Variants in DPP6 observed in about 807,000 individuals in gnomAD.
The protein encoded by DPP6 is A-type potassium channel modulatory protein DPP6.
Under a neutral mutation model 122.6 loss-of-function variants are expected in DPP6, and 69 were observed. The ratio of observed to expected loss-of-function variants is 0.56; its 90% CI spans 0.46 to 0.69. The LOEUF is 0.69. Ranked by LOEUF, DPP6 falls within the 30% of genes least tolerant of loss-of-function variation. DPP6 has a pLI of 0.00. For synonymous variants in DPP6, 418 were observed against 433.1 expected (o/e 0.97, Z 0.43); for missense variants, 928 against 1,116.9 (o/e 0.83, Z 2.41).
Position 154,875,108 on chromosome 7 carries a change from G to GA in DPP6, c.1884-789dup, listed in dbSNP as rs75749242. 2.0e-4 allele frequency among the ~76,000 whole-genome samples: 22 copies of GA among 111,778 alleles called. No homozygotes were observed. The highest frequency in any genetic ancestry group is 1.1e-3 in the Admixed American group (11 of 9,930). 73.3% of individuals were successfully genotyped at this position (111,778 alleles called of 152,430 possible). A position where few individuals can be genotyped will look rare whatever the true frequency, so the allele number is the denominator to read the frequency against. Reference sequence around the variant, plus strand: ...GAGTGAGACCCTGTCTCAAACAAAAGAAAAAAAAAGAAGAAAAGAAAAGAA... The same window carrying GA: ...GAGTGAGACCCTGTCTCAAACAAAAGAAAAAAAAAAGAAGAAAAGAAAAGAA... On this transcript the variant is annotated intron_variant, in intron 19 of 25. Coordinates refer to ENST00000377770, the MANE Select transcript of DPP6 (RefSeq NM_130797.4). This position sits in a 1 kb window ranked among gnomAD's most constrained non-coding sequence, Gnocchi z 4.5.
intron 1 of DPP6, among the ~76,000 whole-genome samples, chr7:154,217,563 A>G (rs964715751): frequency 3.9e-5 from 6 of 152,216 alleles, no homozygotes; most frequent in African/African-American, 1.2e-4. Flanking sequence ...TTTCTAAAAG[A>G]AAATAAAAGC....
At chr7:154,074,055 A>ATCTATC in intron 1 of DPP6, among the ~76,000 whole-genome samples, 1 of 144,696 alleles carries the variant, frequency 6.9e-6, no homozygotes, top group East Asian at 2.1e-4. Context: ...ATCTATCTAT[A>ATCTATC]TATCTCCATA....
intron 16 of DPP6, among the ~76,000 whole-genome samples, chr7:154,832,046 T>C (rs939078658): frequency 6.6e-6 from 1 of 152,146 alleles, no homozygotes; most frequent in African/African-American, 2.4e-5. Flanking sequence ...CCCTGCCAGG[T>C]TGATTTCTTT....
intron 1 of DPP6, among the ~76,000 whole-genome samples, chr7:154,182,664 G>A (rs1294294960): frequency 6.6e-6 from 1 of 152,116 alleles, no homozygotes; most frequent in East Asian, 1.9e-4. Flanking sequence ...CGGAGGTGAA[G>A]TATCCTCCGT....
chr7:154,539,587 A>C (rs1051858785), intron 3 of DPP6, among the ~76,000 whole-genome samples: 3 of 151,960 alleles, frequency 2.0e-5, no homozygotes, highest in Non-Finnish European at 4.4e-5. Context: ...CATATGTAAC[A>C]AACCTGCATG....
chr7:154,060,678 C>G (rs1801670275), intron 1 of DPP6, among the ~76,000 whole-genome samples: 1 of 147,652 alleles, frequency 6.8e-6, no homozygotes, highest in Non-Finnish European at 1.5e-5. Context: ...TGAGAGCTAT[C>G]CCCTCTTCCG....
At chr7:154,081,549 G>A (rs1804010699) in intron 1 of DPP6, among the ~76,000 whole-genome samples, 2 of 146,602 alleles carry the variant, frequency 1.4e-5, no homozygotes, top group South Asian at 4.5e-4. Context: ...GGAGGAGGGA[G>A]CGGTCACTGT....
chr7:154,226,654 ACT>A (rs1226426808), intron 1 of DPP6, among the ~76,000 whole-genome samples: 1 of 152,090 alleles, frequency 6.6e-6, no homozygotes, highest in Non-Finnish European at 1.5e-5. Context: ...TTCAGGATCG[ACT>A]CTACATGGGC....
chr7:154,192,520 C>T (rs1798663533), intron 1 of DPP6, among the ~76,000 whole-genome samples: 1 of 152,176 alleles, frequency 6.6e-6, no homozygotes, highest in Admixed American at 6.5e-5. Context: ...ATAGGGAATT[C>T]GTGAAAGAAA....
intron 1 of DPP6, among the ~76,000 whole-genome samples, chr7:154,147,173 A>G (rs1316101690): frequency 6.6e-6 from 1 of 152,178 alleles, no homozygotes; most frequent in African/African-American, 2.4e-5. Flanking sequence ...AGCGTCCAAA[A>G]TAACACAGGA....
At chr7:154,061,843 A>T (rs1281087577) in intron 1 of DPP6, among the ~76,000 whole-genome samples, 2 of 124,568 alleles carry the variant, frequency 1.6e-5, no homozygotes, top group African/African-American at 6.5e-5. Context: ...TGCTCTTAGG[A>T]TCCCCATCGC....
intron 1 of DPP6, among the ~76,000 whole-genome samples, chr7:154,223,970 G>A (rs1800449452): frequency 6.8e-6 from 1 of 147,064 alleles, no homozygotes; most frequent in Admixed American, 6.7e-5. Flanking sequence ...ACTGTCACTG[G>A]GAGGACACTG....
intron 3 of DPP6, among the ~76,000 whole-genome samples, chr7:154,536,742 C>T (rs1828288745): frequency 6.6e-6 from 1 of 152,148 alleles, no homozygotes; most frequent in Non-Finnish European, 1.5e-5. Context: ...TGAGTCAACT[C>T]ATCAGGGGAC....
At chr7:154,681,699 A>G (rs574214230) in intron 7 of DPP6, among the ~76,000 whole-genome samples, 1 of 152,248 alleles carries the variant, frequency 6.6e-6, no homozygotes, top group South Asian at 2.1e-4. Context: ...TGGAGGGAAC[A>G]CCTCTTCATC....
chr7:153,774,343 G>A, the DPP6 span, among the ~76,000 whole-genome samples: 6 of 152,302 alleles, frequency 3.9e-5, no homozygotes, highest in Non-Finnish European at 7.4e-5. Context: ...GCAAGAGATT[G>A]CAACATACAG....
the DPP6 span, among the ~76,000 whole-genome samples, chr7:153,841,584 A>C: frequency 1.3e-5 from 2 of 152,236 alleles, no homozygotes; most frequent in African/African-American, 4.8e-5. Context: ...GAGTCAAACG[A>C]GTTTGCAAGA....
intron 1 of DPP6, chr7:154,305,468 C>A: frequency 6.3e-7 from 1 of 1,577,958 alleles, no homozygotes; most frequent in East Asian, 2.3e-5. Context: ...CCACCTGCCC[C>A]GGTGGTGGGA....
the DPP6 span, among the ~76,000 whole-genome samples, chr7:153,880,300 G>C: frequency 6.6e-6 from 1 of 152,156 alleles, no homozygotes; most frequent in East Asian, 1.9e-4. Context: ...GTGCTTCACT[G>C]ATTCTGTAAA....
chr7:154,892,755 C>T lies in DPP6; in HGVS notation c.*275C>T, dbSNP rs995926779. ...GAGACCGGCACGCCACGGCCCCTCC[C>T]CCAAGGAACAGAGCAAAGGATGGTG... On this transcript the variant is annotated 3_prime_UTR_variant, in exon 26 of 26. Coordinates refer to ENST00000377770, the MANE Select transcript of DPP6 (RefSeq NM_130797.4). 1 of 673,078 alleles carries T rather than the reference C, an allele frequency of 1.5e-6. No homozygotes were observed. 41.7% of individuals were successfully genotyped at this position (673,078 alleles called of 1,614,324 possible). A position where few individuals can be genotyped will look rare whatever the true frequency, so the allele number is the denominator to read the frequency against.
Sources: allele counts gnomAD v4.1 joint callset (sites outside exome capture counted in the v4.1 genomes callset), GRCh38; gene constraint gnomAD v4.1.1; non-coding constraint Gnocchi (gnomAD v3.1); transcripts MANE v1.5; gene names NCBI Gene and HGNC (gene_info 2026-07-23, HGNC 2026-07-21).